RALGDS: variants seen among roughly 807,000 people sequenced by gnomAD.
RALGDS encodes the protein ral guanine nucleotide exchange factor.
Under a neutral mutation model 99.8 loss-of-function variants are expected in RALGDS, and 44 were observed. The observed-to-expected ratio is 0.44, with a 90% CI of 0.35 to 0.57. The LOEUF is 0.57. Ranked by LOEUF, RALGDS falls within the 20% of genes least tolerant of loss-of-function variation. The pLI, the probability that RALGDS is intolerant of heterozygous loss-of-function variation, is 0.01. For missense variants in RALGDS, 1,022 were observed against 1,203.1 expected (o/e 0.85, Z 2.23); for synonymous variants, 529 against 505.0 (o/e 1.05, Z -0.64).
At chr9:133,112,745 G>A (rs1324245591) in intron 1 of RALGDS, among the ~76,000 whole-genome samples, 3 of 152,200 alleles carry the variant, frequency 2.0e-5, no homozygotes, top group Non-Finnish European at 4.4e-5. Context: ...TGGTGCGTTG[G>A]CAGCCCAGGT....
intron 9 of RALGDS, among the ~76,000 whole-genome samples, chr9:133,104,989 C>T (rs1472942185): frequency 1.3e-5 from 2 of 152,146 alleles, no homozygotes; most frequent in Non-Finnish European, 2.9e-5. Flanking sequence ...CAGTGACTTG[C>T]CCTGGGCCCC....
chr9:133,113,858 C>T (rs893591454), intron 1 of RALGDS, among the ~76,000 whole-genome samples: 1 of 152,154 alleles, frequency 6.6e-6, no homozygotes, highest in African/African-American at 2.4e-5. Flanking sequence ...TCCAAGTCAC[C>T]GGCAGTGGCT....
intron 1 of RALGDS, among the ~76,000 whole-genome samples, chr9:133,130,173 C>G (rs1832292002): frequency 1.3e-5 from 2 of 152,100 alleles, no homozygotes; most frequent in African/African-American, 4.8e-5. Flanking sequence ...GGCTTCACTA[C>G]ATTGGCCAGG....
Position 133,103,251 on chromosome 9 carries a change from G to C in RALGDS, c.1770C>G (p.Ile590Met). 1 of 1,613,952 alleles carries C rather than the reference G, an allele frequency of 6.2e-7. No individual in the cohort carries two copies. The highest frequency in any genetic ancestry group is 1.1e-5 in the South Asian group (1 of 91,084). Reference protein sequence around the residue: ...AMKDYLYGRLINFEKRRKEFE... With the variant: ...AMKDYLYGRLMNFEKRRKEFE... ...TTACCTTCCTCCTCTTCTCAAAGTT[G>C]ATGAGTCTGCCCTGGAAGGTGGACA... Residue 590 changes from isoleucine (I) to methionine (M), a missense_variant, in exon 12 of 18, where the codon ATC becomes ATG. This residue lies in a region of RALGDS where 825 missense variants were observed against 994.5 expected (regional missense o/e 0.83). Coordinates refer to ENST00000372050, the MANE Select transcript of RALGDS (RefSeq NM_006266.4).
intron 6 of RALGDS, among the ~76,000 whole-genome samples, chr9:133,107,596 T>C (rs1401757258): frequency 6.7e-6 from 1 of 150,224 alleles, no homozygotes; most frequent in East Asian, 2.0e-4. Context: ...GCGCTACAAC[T>C]AAGGGCTTTG....
rs749302028 is a variant in RALGDS, at chr9:133,110,295, C to T, written c.488+1G>A. The T allele has an allele frequency of 2.5e-6, 4 of 1,613,132 alleles. No individual in the cohort carries two copies. The highest frequency in any genetic ancestry group is 3.4e-6 in the Non-Finnish European group (4 of 1,179,418). On this transcript the variant is annotated splice_donor_variant, in intron 3 of 17. Transcript: ENST00000372050. LOFTEE classifies it high-confidence loss of function. ...CTGTGCAGTGGAGGGCTCATGCTCA[C>T]CTTTTGAACAGCAGGTCCAGGACCT...
At chr9:133,134,196 C>T (rs191407683), upstream of RALGDS, among the ~76,000 whole-genome samples, 34 of 152,328 alleles carry the variant, frequency 2.2e-4, no homozygotes, top group East Asian at 7.7e-4. Context: ...ACAGATCCTG[C>T]CCCTGGAGGC....
chr9:133,149,093 C>A, exon 1 of RALGDS: 2 of 710,882 alleles, frequency 2.8e-6, no homozygotes, highest in Non-Finnish European at 3.6e-6. Flanking sequence ...GGGCTCATGG[C>A]GCGGCCTCCG....
upstream of RALGDS, among the ~76,000 whole-genome samples, chr9:133,132,281 C>A (rs887587960): frequency 2.6e-5 from 4 of 152,184 alleles, no homozygotes; most frequent in African/African-American, 9.7e-5. Flanking sequence ...ACGCCCTGTG[C>A]AGACAGGCAG....
In RALGDS at chr9:133,102,113, C is replaced by G. The variant is rs1211917826; in HGVS notation, c.2036G>C (p.Ser679Thr). Residue 679 changes from serine to threonine, a missense_variant, in exon 15 of 18, where the codon AGT (serine) becomes ACT (threonine). This residue lies in a region of RALGDS where 825 missense variants were observed against 994.5 expected (regional missense o/e 0.83). Coordinates refer to ENST00000372050, the MANE Select transcript of RALGDS (RefSeq NM_006266.4). Reference protein sequence around the residue: ...SDRQAPSTELSTSGSSHSKSC... With the variant: ...SDRQAPSTELTTSGSSHSKSC... ...CTTGGAGTGGGAGCTGCCACTGGTA[C>G]TGAGCTCAGTGCTGGGGGCCTGGCG... 6.4e-7 allele frequency: 1 copy of G among 1,573,972 alleles called. No individual in the cohort carries two copies.
chr9:133,143,738 CAATAAT>C lies in RALGDS; in HGVS notation c.18+5219_18+5224del, dbSNP rs747330308. ...TGGGCCACAGAGCAAGACCCTGTCTCAATAATAATAATAATAATAATAATAATAATA... is the reference window on the plus strand; with the variant it reads ...TGGGCCACAGAGCAAGACCCTGTCTCAATAATAATAATAATAATAATAATA... On this transcript the variant is annotated intron_variant, in intron 1 of 17. Coordinates refer to the RALGDS transcript ENST00000393160. 9.2e-3 allele frequency among the ~76,000 whole-genome samples: 996 copies of C among 108,084 alleles called. 15 individuals are homozygous for C. The highest frequency in any genetic ancestry group is 0.043 in the East Asian group (133 of 3,062). The allele number at this position is 108,084 out of a possible 152,430, so 70.9% of individuals were successfully genotyped here.
rs1415649187 is a variant in RALGDS, at chr9:133,120,969, C to A, written c.183+3G>T. 2 of 1,481,978 alleles carry A rather than the reference C, an allele frequency of 1.3e-6. No individual in the cohort carries two copies. Among genetic ancestry groups the A allele is most frequent in the Non-Finnish European group, 8.9e-7 (1 of 1,122,070 alleles). 91.8% of individuals were successfully genotyped at this position (1,481,978 alleles called of 1,614,324 possible). A position where few individuals can be genotyped will look rare whatever the true frequency, so the allele number is the denominator to read the frequency against. The stretch of plus-strand genomic sequence containing the variant: ...CCCCGCCCGACCGCCCCAGCTCACC[C>A]ACCTCCGGGCGCGGCAGGTCGGGGT... On this transcript the variant is annotated splice_donor_region_variant and intron_variant, in intron 1 of 17. Coordinates refer to ENST00000372050, the MANE Select transcript of RALGDS (RefSeq NM_006266.4).
intron 6 of RALGDS, 57 bp from the exon 7 acceptor site, chr9:133,107,357 G>C: frequency 6.9e-7 from 1 of 1,455,376 alleles, no homozygotes; most frequent in Non-Finnish European, 9.5e-7. Flanking sequence ...GCTGGTGCTG[G>C]GGAAGCTGAG....
chr9:133,131,669 C>T (rs1832337647), upstream of RALGDS, among the ~76,000 whole-genome samples: 1 of 152,110 alleles, frequency 6.6e-6, no homozygotes, highest in Admixed American at 6.5e-5. Flanking sequence ...GCCCTGTCCC[C>T]TGGGAAAGTC....
chr9:133,139,401 G>A (rs1467063975), intron 1 of RALGDS, among the ~76,000 whole-genome samples: 1 of 152,204 alleles, frequency 6.6e-6, no homozygotes, highest in Non-Finnish European at 1.5e-5. Context: ...TTTCGAGGGG[G>A]CAGGGGGACC....
chr9:133,119,066 G>T (rs1344899621), intron 1 of RALGDS, among the ~76,000 whole-genome samples: 1 of 152,260 alleles, frequency 6.6e-6, no homozygotes, highest in East Asian at 1.9e-4. Flanking sequence ...GTCATTGGTG[G>T]CTTGGCTTAG....
chr9:133,100,208 G>C (rs1300597391), intron 17 of RALGDS, 60 bp downstream of exon 17: 84 of 1,471,036 alleles, frequency 5.7e-5, no homozygotes, highest in Non-Finnish European at 7.1e-5. Context: ...TTCCAACCTG[G>C]GGCTGGGGAG....
Position 133,110,476 on chromosome 9 carries a change from G to A in RALGDS, c.308C>T (p.Ser103Leu), listed in dbSNP as rs1271379343. 5.6e-6 allele frequency: 9 copies of A among 1,612,100 alleles called. No homozygotes were observed. Among genetic ancestry groups the A allele is most frequent in the East Asian group, 2.2e-5 (1 of 44,878 alleles). ...GQRWLGYENESALNLYETCKV... is the reference protein window; with the variant it reads ...GQRWLGYENELALNLYETCKV... ...GCAAGTCTCATAAAGGTTCAGGGCCGACTCATTCTCATACTGGGGTGGGAC... is the reference window on the plus strand; with the variant it reads ...GCAAGTCTCATAAAGGTTCAGGGCCAACTCATTCTCATACTGGGGTGGGAC... The change falls in exon 3 of 18, where the codon TCG (serine) becomes TTG (leucine). Residue 103 changes from serine (S) to leucine (L), a missense_variant. By Grantham distance (145) the Ser-to-Leu change is moderately radical. Around this residue, in one of 3 missense-constraint regions of RALGDS, gnomAD observed 180 missense variants for 169.3 expected, o/e 1.06. Coordinates refer to ENST00000372050, the MANE Select transcript of RALGDS (RefSeq NM_006266.4).
intron 1 of RALGDS, chr9:133,129,257 G>A: frequency 6.3e-7 from 1 of 1,596,840 alleles, no homozygotes; most frequent in Non-Finnish European, 8.5e-7. Flanking sequence ...AAAGAACACA[G>A]AGCCCTTCCT....
Sources: allele counts gnomAD v4.1 joint callset (sites outside exome capture counted in the v4.1 genomes callset), GRCh38; gene constraint gnomAD v4.1.1; regional missense constraint gnomAD v4.1.1; transcripts MANE v1.5; gene names NCBI Gene and HGNC (gene_info 2026-07-23, HGNC 2026-07-21).